ANO3: variants seen among roughly 807,000 people sequenced by gnomAD.
ANO3 encodes the protein anoctamin 3.
Under a neutral mutation model 144.8 loss-of-function variants are expected in ANO3, and 99 were observed. The observed-to-expected ratio is 0.68, with a 90% CI of 0.58 to 0.81. The LOEUF (loss-of-function observed/expected upper bound fraction) is 0.81, where lower values mean the gene tolerates loss of function less well. Among genes scored for constraint, ANO3 ranks in the 30% least tolerant of loss-of-function variants. ANO3 has a pLI of 0.00. For synonymous variants in ANO3, 414 were observed against 392.6 expected (o/e 1.05, Z -0.64); for missense variants, 905 against 1,202.2 (o/e 0.75, Z 3.66).
chr11:26,606,821 C>T (rs1851950381), intron 17 of ANO3, among the ~76,000 whole-genome samples: 1 of 152,114 alleles, frequency 6.6e-6, no homozygotes, highest in Non-Finnish European at 1.5e-5. Context: ...CTGATGCTAT[C>T]TGGTTATTTT....
chr11:26,498,482 ATTG>A (rs1458780491), intron 4 of ANO3, among the ~76,000 whole-genome samples: 8 of 151,074 alleles, frequency 5.3e-5, no homozygotes, highest in South Asian at 2.1e-4. Flanking sequence ...GGTCTTTTAA[ATTG>A]TTATTATGAA....
intron 1 of ANO3, among the ~76,000 whole-genome samples, chr11:26,359,112 T>G (rs1855858810): frequency 6.6e-6 from 1 of 152,198 alleles, no homozygotes; most frequent in African/African-American, 2.4e-5. Context: ...GTCTAAAAAT[T>G]TTATATTGGA....
At chr11:26,569,811 G>T (rs994748649) in intron 14 of ANO3, among the ~76,000 whole-genome samples, 15 of 152,088 alleles carry the variant, frequency 9.9e-5, no homozygotes, top group African/African-American at 2.7e-4. Context: ...GTATCCCTGA[G>T]TGCACCCAAG....
At chr11:26,269,393 C>T (rs1853389726) in intron 1 of ANO3, among the ~76,000 whole-genome samples, 1 of 152,170 alleles carries the variant, frequency 6.6e-6, no homozygotes, top group South Asian at 2.1e-4. Context: ...CTGCCGCTAG[C>T]TTCTCCCCCT....
intron 1 of ANO3, among the ~76,000 whole-genome samples, chr11:26,374,800 G>C (rs1308429691): frequency 4.9e-4 from 74 of 152,198 alleles, no homozygotes; most frequent in Non-Finnish European, 1.0e-4. Flanking sequence ...CTGGAGTGCA[G>C]TGGCACAATG....
intron 14 of ANO3, among the ~76,000 whole-genome samples, chr11:26,592,733 A>G (rs1264709133): frequency 6.6e-6 from 1 of 151,476 alleles, no homozygotes; most frequent in Non-Finnish European, 1.5e-5. Flanking sequence ...TCCAGTAAAT[A>G]ATGTTTTGGC....
intron 11 of ANO3, among the ~76,000 whole-genome samples, chr11:26,544,494 T>C (rs1304025335): frequency 6.6e-6 from 1 of 150,918 alleles, no homozygotes; most frequent in Non-Finnish European, 1.5e-5. Context: ...TTGGTTTAAA[T>C]AGGAGGAATA....
chr11:26,189,190 A>T, exon 1 of ANO3: 1 of 985,258 alleles, frequency 1.0e-6, no homozygotes, highest in Non-Finnish European at 1.2e-6. Context: ...TCAGTTTTAA[A>T]ATTTGAACTG....
At chr11:26,384,855 GT>G (rs1186867735) in intron 1 of ANO3, among the ~76,000 whole-genome samples, 2 of 152,172 alleles carry the variant, frequency 1.3e-5, no homozygotes, top group African/African-American at 4.8e-5. Flanking sequence ...GCCTAATTCT[GT>G]GAACGTCTCT....
At chr11:26,347,173 G>A (rs1281063725) in intron 1 of ANO3, among the ~76,000 whole-genome samples, 2 of 152,094 alleles carry the variant, frequency 1.3e-5, no homozygotes, top group African/African-American at 2.4e-5. Flanking sequence ...ATCTAAAACT[G>A]GACTCTTACA....
At chr11:26,386,694 A>G (rs9943489) in intron 1 of ANO3, among the ~76,000 whole-genome samples, 1 of 151,970 alleles carries the variant, frequency 6.6e-6, no homozygotes, top group Non-Finnish European at 1.5e-5. Context: ...TTTATCCTAT[A>G]GAATGTAAGG....
At chr11:26,574,105 G>A (rs973169483) in intron 14 of ANO3, among the ~76,000 whole-genome samples, 1 of 152,144 alleles carries the variant, frequency 6.6e-6, no homozygotes, top group Non-Finnish European at 1.5e-5. Context: ...ACTGTGCAGT[G>A]CTTGTATAAT....
At chr11:26,525,144 C>G (rs1028830229) in intron 6 of ANO3, among the ~76,000 whole-genome samples, 2 of 152,064 alleles carry the variant, frequency 1.3e-5, no homozygotes, top group Non-Finnish European at 2.9e-5. Context: ...ATCAAGGAAG[C>G]TTCTTGAGGG....
intron 1 of ANO3, among the ~76,000 whole-genome samples, chr11:26,271,234 T>C (rs1338337641): frequency 6.6e-6 from 1 of 152,202 alleles, no homozygotes; most frequent in African/African-American, 2.4e-5. Context: ...GTTGCGTAAG[T>C]AGAATTCACA....
At chr11:26,437,873 T>C (rs898061300) in intron 1 of ANO3, among the ~76,000 whole-genome samples, 9 of 152,218 alleles carry the variant, frequency 5.9e-5, no homozygotes, top group African/African-American at 2.2e-4. Flanking sequence ...AATTAGAATT[T>C]AACATATTTA....
At chr11:26,590,206 G>T (rs541114421) in intron 14 of ANO3, among the ~76,000 whole-genome samples, 3 of 152,158 alleles carry the variant, frequency 2.0e-5, no homozygotes, top group African/African-American at 7.2e-5. Flanking sequence ...AGGAGTTGCC[G>T]TAAAGTAGAA....
At chr11:26,322,050 T>C (rs1854772952) in intron 1 of ANO3, among the ~76,000 whole-genome samples, 1 of 152,116 alleles carries the variant, frequency 6.6e-6, no homozygotes, top group Non-Finnish European at 1.5e-5. Context: ...GTCTGTGTGA[T>C]GATTCTTACT....
At chr11:26,308,923 T>C (rs1055855762), upstream of ANO3, among the ~76,000 whole-genome samples, 2 of 152,182 alleles carry the variant, frequency 1.3e-5, no homozygotes, top group African/African-American at 4.8e-5. Context: ...GTAGTTCTTA[T>C]TATTATTTCT....
At chr11:26,656,547 C>T (rs1412657471) in intron 26 of ANO3, 66 bp downstream of exon 26, 1 of 1,091,148 alleles carries the variant, frequency 9.2e-7, no homozygotes, top group Non-Finnish European at 1.4e-6. Flanking sequence ...TATCAGTTGC[C>T]TCTTTGAAAT....
Sources: allele counts gnomAD v4.1 joint callset (sites outside exome capture counted in the v4.1 genomes callset), GRCh38; gene constraint gnomAD v4.1.1; transcripts MANE v1.5; gene names NCBI Gene and HGNC (gene_info 2026-07-23, HGNC 2026-07-21).